Variants in SDK1 observed in about 807,000 individuals in gnomAD.
The protein encoded by SDK1 is protein sidekick-1.
SDK1 carries 157 observed loss-of-function variants against 245.5 expected under a neutral mutation model. The ratio of observed to expected loss-of-function variants is 0.64; its 90% CI spans 0.56 to 0.73. SDK1 has a LOEUF of 0.73. Ranked by LOEUF, SDK1 falls within the 30% of genes least tolerant of loss-of-function variation. The pLI, the probability that SDK1 is intolerant of heterozygous loss-of-function variation, is 0.00. For missense variants in SDK1, 3,583 were observed against 3,002.3 expected (o/e 1.19, Z -4.52); for synonymous variants, 1,647 against 1,278.5 (o/e 1.29, Z -6.15).
chr7:4,167,226 C>T (rs186884014), intron 32 of SDK1, among the ~76,000 whole-genome samples: 42 of 152,142 alleles, frequency 2.8e-4, no homozygotes, highest in Non-Finnish European at 4.9e-4. Flanking sequence ...CCCGTCTCTA[C>T]CAAAAATACA....
chr7:4,210,402 C>T (rs997288655), intron 38 of SDK1, among the ~76,000 whole-genome samples: 8 of 152,210 alleles, frequency 5.3e-5, no homozygotes, highest in Non-Finnish European at 8.8e-5. Context: ...TGTTCTGAGA[C>T]CAGAACGGCA....
chr7:3,635,805 C>T (rs1782440760), intron 2 of SDK1, among the ~76,000 whole-genome samples: 2 of 152,184 alleles, frequency 1.3e-5, no homozygotes, highest in Non-Finnish European at 2.9e-5. Flanking sequence ...CTCCCGGGGT[C>T]AGGTGATCTT....
Position 3,629,168 on chromosome 7 carries a change from G to T in SDK1, c.459-9836G>T, listed in dbSNP as rs186085408. ...AAAAAAAAATTAGCCGGGCATGGTG[G>T]CGGGCGCCTGTAGTCCCATCTACTC... On this transcript the variant is annotated intron_variant, in intron 2 of 44. Transcript: ENST00000404826. Among the ~76,000 whole-genome samples the T allele has an allele frequency of 4.1e-3, 617 of 151,844 alleles. 6 individuals are homozygous for T. Among genetic ancestry groups the T allele is most frequent in the African/African-American group, 0.014 (572 of 41,430 alleles).
intron 14 of SDK1, among the ~76,000 whole-genome samples, chr7:4,001,712 A>G (rs1785088319): frequency 6.6e-6 from 1 of 152,234 alleles, no homozygotes; most frequent in Non-Finnish European, 1.5e-5. Context: ...ATCAAAATGT[A>G]TTTATACTGT....
At chr7:3,706,477 C>G (rs1242054713) in intron 4 of SDK1, among the ~76,000 whole-genome samples, 6 of 152,222 alleles carry the variant, frequency 3.9e-5, no homozygotes, top group African/African-American at 1.2e-4. Flanking sequence ...TCTCAGCTCA[C>G]TACAAGCTCC....
At position 3,495,389 on chromosome 7, in the gene SDK1, C is replaced by G. The variant is rs1199266234; in HGVS notation, c.299-123691C>G. Among the ~76,000 whole-genome samples, 4 of 150,812 alleles carry G rather than the reference C, an allele frequency of 2.7e-5. No individual in the cohort carries two copies. The East Asian group carries it at 7.9e-4, about 30-fold the overall frequency. Reference sequence around the variant, plus strand: ...TCTCCTGCCTCAGCCTCCTGAGTAGCTGGGATTACAGCCTGTGTGACGCCA... The same window carrying G: ...TCTCCTGCCTCAGCCTCCTGAGTAGGTGGGATTACAGCCTGTGTGACGCCA... On this transcript the variant is annotated intron_variant, in intron 1 of 44. Coordinates refer to ENST00000404826, the MANE Select transcript of SDK1 (RefSeq NM_152744.4).
chr7:3,763,162 G>C (rs1780156726), intron 4 of SDK1, among the ~76,000 whole-genome samples: 1 of 152,018 alleles, frequency 6.6e-6, no homozygotes, highest in Non-Finnish European at 1.5e-5. Flanking sequence ...ATTTGTCTTG[G>C]ATAAACTGTC....
rs35255080 is a variant in SDK1 at position 3,464,209 on chromosome 7, C to CT, written c.299-154863dup. Among the ~76,000 whole-genome samples the CT allele has an allele frequency of 1.3e-5, 2 of 152,174 alleles. 1 individual carries two copies. Among genetic ancestry groups the CT allele is most frequent in the South Asian group, 4.2e-4 (2 of 4,818 alleles). ...AAGCAGTTTTTTGGGGACAGAGTAA[C>CT]TTTTTTTTCCCCTCTGTTGAAATAA... On this transcript the variant is annotated intron_variant, in intron 1 of 44. Coordinates refer to ENST00000404826, the MANE Select transcript of SDK1 (RefSeq NM_152744.4).
intron 26 of SDK1, 139 bp downstream of exon 26, chr7:4,127,635 A>T: frequency 1.5e-6 from 1 of 659,886 alleles, no homozygotes; most frequent in Non-Finnish European, 2.7e-6. Flanking sequence ...TTTTATTAAG[A>T]TATTCAGTTG....
intron 4 of SDK1, among the ~76,000 whole-genome samples, chr7:3,703,244 A>C (rs943097844): frequency 6.6e-6 from 1 of 152,176 alleles, no homozygotes; most frequent in Non-Finnish European, 1.5e-5. Flanking sequence ...TAATTTTACA[A>C]ATTATGGTGC....
intron 4 of SDK1, among the ~76,000 whole-genome samples, chr7:3,774,214 C>G (rs958825988): frequency 1.4e-5 from 1 of 70,378 alleles, no homozygotes; most frequent in African/African-American, 5.3e-5. Context: ...GACTCCATCT[C>G]AAAAAAAAAA....
intron 28 of SDK1, among the ~76,000 whole-genome samples, chr7:4,138,732 T>C (rs1779259313): frequency 8.7e-6 from 1 of 114,370 alleles, no homozygotes; most frequent in African/African-American, 3.4e-5. Context: ...TGGGCAACAA[T>C]AGTGAAACTC....
intron 14 of SDK1, among the ~76,000 whole-genome samples, chr7:3,988,740 C>T (rs1019594346): frequency 1.3e-5 from 2 of 152,160 alleles, no homozygotes; most frequent in Non-Finnish European, 2.9e-5. Flanking sequence ...CAAAGAAGCT[C>T]TCCAGCACGC....
chr7:4,095,774 G>A (rs867004258), intron 22 of SDK1, among the ~76,000 whole-genome samples: 15 of 152,180 alleles, frequency 9.9e-5, no homozygotes, highest in African/African-American at 2.2e-4. Context: ...GGGTTTCGCC[G>A]TGTGGGCCAG....
chr7:4,107,312 C>A (rs929563294), intron 22 of SDK1, among the ~76,000 whole-genome samples: 1 of 152,106 alleles, frequency 6.6e-6, no homozygotes, highest in Non-Finnish European at 1.5e-5. Flanking sequence ...GGCAAGGACC[C>A]GGAAGGCAGG....
intron 20 of SDK1, among the ~76,000 whole-genome samples, chr7:4,071,038 T>C (rs1381977188): frequency 6.6e-6 from 1 of 152,020 alleles, no homozygotes; most frequent in Non-Finnish European, 1.5e-5. Context: ...TGTTTATTTA[T>C]TTTTTGAAAT....
chr7:3,512,855 T>A (rs1184862133), intron 1 of SDK1, among the ~76,000 whole-genome samples: 2 of 152,208 alleles, frequency 1.3e-5, no homozygotes, highest in Admixed American at 6.5e-5. Flanking sequence ...TCTGTTTTGT[T>A]AAAGTGCATT....
intron 5 of SDK1, among the ~76,000 whole-genome samples, chr7:3,907,061 A>T (rs1778975779): frequency 6.6e-6 from 1 of 152,190 alleles, no homozygotes; most frequent in African/African-American, 2.4e-5. Context: ...ATAGGGTCTG[A>T]GCCAGTGTAT....
At chr7:3,316,747 C>G (rs1052103974) in intron 1 of SDK1, among the ~76,000 whole-genome samples, 4 of 152,148 alleles carry the variant, frequency 2.6e-5, no homozygotes, top group South Asian at 4.1e-4. Flanking sequence ...CAGCGTGGAA[C>G]TGGTTCTTGC....
Sources: gnomAD v4.1 joint callset for allele counts (sites outside exome capture counted in the v4.1 genomes callset) on GRCh38, gnomAD v4.1.1 for gene constraint, MANE v1.5 for transcripts, NCBI Gene and HGNC (gene_info 2026-07-23, HGNC 2026-07-21) for gene names.